ZNF217: variants seen among roughly 807,000 people sequenced by gnomAD.
ZNF217 encodes zinc finger protein 217.
Under a neutral mutation model 73.3 loss-of-function variants are expected in ZNF217, and 12 were observed. The ratio of observed to expected loss-of-function variants is 0.16; its 90% confidence interval spans 0.10 to 0.27. The LOEUF is 0.27. Ranked by LOEUF, ZNF217 falls within the 10% of genes least tolerant of loss-of-function variation. The pLI is 1.00. For synonymous variants in ZNF217, 588 were observed against 516.4 expected (o/e 1.14, Z -1.88); for missense variants, 1,195 against 1,327.8 (o/e 0.90, Z 1.55).
upstream of ZNF217, among the ~76,000 whole-genome samples, chr20:53,594,270 C>G (rs1216343019): frequency 2.0e-5 from 3 of 151,590 alleles, no homozygotes; most frequent in East Asian, 5.8e-4. Context: ...AGAAAGTGTT[C>G]AGGGAGCAGC....
chr20:53,571,400 GC>G (rs200475677), intron 5 of ZNF217, among the ~76,000 whole-genome samples: 2 of 19,848 alleles, frequency 1.0e-4, no homozygotes, highest in African/African-American at 2.6e-4. Context: ...ATCAATCCCC[GC>G]CCCCGCCCCC....
chr20:53,569,365 T>C (rs1987891241), intron 5 of ZNF217, 101 bp from the exon 6 acceptor site: 2 of 825,644 alleles, frequency 2.4e-6, no homozygotes, highest in Non-Finnish European at 3.2e-6. Context: ...CAAACTGACC[T>C]AGAAATGCAA....
chr20:53,594,110 G>C (rs1027979159), upstream of ZNF217, among the ~76,000 whole-genome samples: 2 of 141,118 alleles, frequency 1.4e-5, no homozygotes, highest in African/African-American at 2.7e-5. Flanking sequence ...GGCTCACCTC[G>C]GGCGCGGGGC....
At chr20:53,574,568 G>C (rs1021645096) in intron 4 of ZNF217, 2 of 152,362 alleles carry the variant, frequency 1.3e-5, no homozygotes, top group African/African-American at 2.4e-5. Flanking sequence ...GCCGAGGCCA[G>C]TGCATCACCT....
At chr20:53,579,284 T>C (rs1988398645) in intron 2 of ZNF217, among the ~76,000 whole-genome samples, 1 of 152,074 alleles carries the variant, frequency 6.6e-6, no homozygotes, top group African/African-American at 2.4e-5. Context: ...CACATGAATG[T>C]TTAAGTTTTA....
Position 53,581,606 on chromosome 20 carries a change from C to A in ZNF217, c.1221G>T (p.Ser407=). ...HKKDRRAGAE[S]PTMSVDGRQP... ...GCCTCCCGTCCACAGACATGGTGGG[C>A]GACTCCGCGCCGGCCCTCCGGTCCT... Residue 407 remains serine, a synonymous_variant, in exon 2 of 6, where the codon TCG becomes TCT. Coordinates refer to ENST00000371471, the MANE Select transcript of ZNF217 (RefSeq NM_006526.3). The surrounding 1 kb of genome is among the most constrained non-coding windows in gnomAD (Gnocchi z 4.9). 2 of 1,614,184 alleles carry A rather than the reference C, an allele frequency of 1.2e-6. No individual in the cohort carries two copies. The highest frequency in any genetic ancestry group is 1.7e-6 in the Non-Finnish European group (2 of 1,180,020).
At chr20:53,571,943 T>C (rs1988029867) in intron 4 of ZNF217, 90 bp from the exon 5 acceptor site, 2 of 1,341,662 alleles carry the variant, frequency 1.5e-6, no homozygotes, top group South Asian at 1.5e-5. Context: ...TCAAAATTTC[T>C]GACACTGATA....
upstream of ZNF217, among the ~76,000 whole-genome samples, chr20:53,594,109 C>G (rs1281781807): frequency 5.3e-5 from 8 of 150,264 alleles, no homozygotes; most frequent in Non-Finnish European, 1.0e-4. Context: ...GGGCTCACCT[C>G]GGGCGCGGGG....
At chr20:53,579,885 A>G (rs960588076) in intron 2 of ZNF217, among the ~76,000 whole-genome samples, 1 of 152,210 alleles carries the variant, frequency 6.6e-6, no homozygotes, top group Non-Finnish European at 1.5e-5. Context: ...CCAGAACTCA[A>G]CGCCAAGCTG....
Position 53,575,589 on chromosome 20 carries a change from C to T in ZNF217, c.3037+138G>A. 5.2e-6 allele frequency: 4 copies of T among 772,366 alleles called. No homozygotes were observed. The South Asian group carries it at 5.9e-5, about 11-fold the overall frequency. 47.8% of individuals were successfully genotyped at this position (772,366 alleles called of 1,614,324 possible). A position where few individuals can be genotyped will look rare whatever the true frequency, so the allele number is the denominator to read the frequency against. On this transcript the variant is annotated intron_variant, in intron 4 of 5. Transcript: ENST00000371471. ...CAAACCACTGCCGTATCTAAGAATG[C>T]TTCTCTCTGTGACCCCCAAGAACTT...
rs755751414 is a variant in ZNF217, at chr20:53,576,907, G to C, written c.1857C>G (p.Thr619=). ...DSADKVNKNP[T]PAYLDLLKKR... is the part of the protein sequence containing the mutation. The stretch of plus-strand genomic sequence containing the variant: ...TTTTTAACAGGTCCAGGTAAGCAGG[G>C]GTAGGGTTTTTATTCACTTTATCAG... Residue 619 remains threonine (T), a synonymous_variant, in exon 4 of 6, where the codon ACC becomes ACG. Transcript: ENST00000371471. The C allele has an allele frequency of 3.1e-6, 5 of 1,614,116 alleles. No individual in the cohort carries two copies. In the African/African-American group the frequency reaches 6.7e-5, roughly 22 times the overall value.
intron 5 of ZNF217, among the ~76,000 whole-genome samples, chr20:53,571,412 C>A (rs962993214): frequency 1.7e-5 from 2 of 120,122 alleles, no homozygotes; most frequent in East Asian, 2.9e-4. Flanking sequence ...CCCCGCCCCC[C>A]CTTTTTTTTA....
chr20:53,581,217 T>C lies in ZNF217; in HGVS notation c.1366+244A>G, dbSNP rs1209238595. On this transcript the variant is annotated intron_variant, in intron 2 of 5. Transcript: ENST00000371471. This position sits in a 1 kb window ranked among gnomAD's most constrained non-coding sequence, Gnocchi z 4.9. ...CAAAACGATACACGTTTAAAAAATA[T>C]ATATATATTTTCAGAACAAGGAGAC... Among the ~76,000 whole-genome samples the C allele has an allele frequency of 6.6e-6, 1 of 152,034 alleles. No individual in the cohort carries two copies.
upstream of ZNF217, among the ~76,000 whole-genome samples, chr20:53,594,124 G>A (rs1007264895): frequency 7.3e-5 from 11 of 150,146 alleles, no homozygotes; most frequent in Non-Finnish European, 1.2e-4. Context: ...GCGGGGCTAA[G>A]GTGAGCGGGG....
chr20:53,574,821 A>G (rs557744014), intron 4 of ZNF217: 1 of 97,530 alleles, frequency 1.0e-5, no homozygotes, highest in Non-Finnish European at 2.0e-5. Flanking sequence ...AGAAAGAAAG[A>G]AAAAAAAAAC....
upstream of ZNF217, among the ~76,000 whole-genome samples, chr20:53,597,101 A>G (rs1042713067): frequency 1.2e-4 from 19 of 152,094 alleles, no homozygotes; most frequent in African/African-American, 3.9e-4. Flanking sequence ...AAAAAAGAAA[A>G]AAAAAAAAAA....
Position 53,571,765 on chromosome 20 carries a change from T to C in ZNF217, c.3126A>G (p.Arg1042=), listed in dbSNP as rs939801139. The C allele has an allele frequency of 6.2e-7, 1 of 1,612,548 alleles. No homozygotes were observed. Residue 1042 remains arginine, a synonymous_variant, in exon 5 of 6, where the codon CGA becomes CGG. Transcript: ENST00000371471. ...TGAATCAAGTTTTTTTGTCATTTGG[T>C]CGATAATGTGCATTCCCAATAAAAT... The part of the protein sequence containing the change: ...YENFIGNAHY[R]PNDKKT
At chr20:53,571,368 G>C (rs1476698146) in intron 5 of ZNF217, among the ~76,000 whole-genome samples, 2 of 150,134 alleles carry the variant, frequency 1.3e-5, no homozygotes, top group African/African-American at 4.9e-5. Context: ...ACAACTTAAT[G>C]GTTTATTTCC....
upstream of ZNF217, among the ~76,000 whole-genome samples, chr20:53,594,175 T>G (rs1161889628): frequency 6.7e-6 from 1 of 149,174 alleles, no homozygotes; most frequent in Non-Finnish European, 1.5e-5. Flanking sequence ...CGCCCCCTAC[T>G]CGTCCGCGCG....
Sources: gnomAD v4.1 joint callset for allele counts (sites outside exome capture counted in the v4.1 genomes callset) on GRCh38, gnomAD v4.1.1 for gene constraint, Gnocchi (gnomAD v3.1) non-coding constraint, MANE v1.5 for transcripts, NCBI Gene and HGNC (gene_info 2026-07-23, HGNC 2026-07-21) for gene names.